Variants in CACNA2D3 observed in about 807,000 individuals in gnomAD.
CACNA2D3 encodes voltage-dependent calcium channel subunit alpha-2/delta-3.
A neutral mutation model predicts 160.6 loss-of-function variants in CACNA2D3; 60 were observed. The ratio of observed to expected loss-of-function variants is 0.37; its 90% CI spans 0.30 to 0.46. The LOEUF is 0.46. Ranked by LOEUF, CACNA2D3 falls within the 20% of genes least tolerant of loss-of-function variation. CACNA2D3 has a pLI of 1.00. For missense variants in CACNA2D3, 1,205 were observed against 1,365.0 expected (o/e 0.88, Z 1.85); for synonymous variants, 558 against 492.9 (o/e 1.13, Z -1.75).
At chr3:54,658,653 G>T (rs566222958) in intron 11 of CACNA2D3, among the ~76,000 whole-genome samples, 1 of 152,240 alleles carries the variant, frequency 6.6e-6, no homozygotes, top group African/African-American at 2.4e-5. Flanking sequence ...ATAGATAAAT[G>T]GGACTACACC....
At chr3:54,630,137 C>G (rs536743113) in intron 10 of CACNA2D3, among the ~76,000 whole-genome samples, 13 of 152,246 alleles carry the variant, frequency 8.5e-5, no homozygotes, top group East Asian at 7.8e-4. Context: ...CTGGTGGTCC[C>G]TTTCTCGTGG....
At chr3:54,934,648 G>T (rs1039272580) in intron 27 of CACNA2D3, among the ~76,000 whole-genome samples, 12 of 152,282 alleles carry the variant, frequency 7.9e-5, no homozygotes, top group Non-Finnish European at 1.2e-4. Flanking sequence ...CTAAGACTTA[G>T]CCAGGTTCTG....
chr3:54,276,237 A>C (rs1702736208), intron 2 of CACNA2D3, among the ~76,000 whole-genome samples: 2 of 152,114 alleles, frequency 1.3e-5, no homozygotes, highest in South Asian at 4.2e-4. Context: ...GGAAAGATGA[A>C]GATGGGATGA....
intron 2 of CACNA2D3, among the ~76,000 whole-genome samples, chr3:54,217,728 A>G (rs750366380): frequency 6.6e-6 from 1 of 152,186 alleles, no homozygotes; most frequent in Non-Finnish European, 1.5e-5. Context: ...TGGAAGGAAC[A>G]TGGCCCTGCT....
chr3:54,766,744 T>C (rs528758009), intron 13 of CACNA2D3, among the ~76,000 whole-genome samples: 1 of 151,370 alleles, frequency 6.6e-6, no homozygotes, highest in East Asian at 1.9e-4. Context: ...CCTAATGGAG[T>C]CAATATTAAA....
At chr3:54,885,948 A>G (rs1389776866) in intron 23 of CACNA2D3, among the ~76,000 whole-genome samples, 1 of 152,184 alleles carries the variant, frequency 6.6e-6, no homozygotes, top group African/African-American at 2.4e-5. Flanking sequence ...ATTGTGCCTC[A>G]TTCAAGGCTA....
chr3:54,808,655 T>A (rs111670064), intron 13 of CACNA2D3, among the ~76,000 whole-genome samples: 1,642 of 152,032 alleles, frequency 0.011, 18 homozygotes, highest in Middle Eastern at 0.027. Context: ...AGGAAAGGGG[T>A]TAGATAATGA....
At chr3:54,570,157 G>T in intron 8 of CACNA2D3, 53 bp downstream of exon 8, 1 of 1,571,236 alleles carries the variant, frequency 6.4e-7, no homozygotes, top group South Asian at 1.1e-5. Context: ...TGATCTTTTG[G>T]TAGTGACTGG....
intron 11 of CACNA2D3, among the ~76,000 whole-genome samples, chr3:54,742,460 C>A (rs548428335): frequency 6.6e-6 from 1 of 152,174 alleles, no homozygotes; most frequent in East Asian, 1.9e-4. Context: ...AAGTAACTTA[C>A]CCCAAGGCCT....
chr3:54,663,696 C>A (rs999157891), intron 11 of CACNA2D3, among the ~76,000 whole-genome samples: 1 of 152,210 alleles, frequency 6.6e-6, no homozygotes, highest in Non-Finnish European at 1.5e-5. Context: ...CTAACTCATA[C>A]CAGCTGACAC....
chr3:54,316,415 A>G (rs1381938220), intron 2 of CACNA2D3, among the ~76,000 whole-genome samples: 1 of 152,184 alleles, frequency 6.6e-6, no homozygotes, highest in Non-Finnish European at 1.5e-5. Context: ...AGAGTAAGGC[A>G]TTATATTTTT....
chr3:54,601,418 A>G (rs983110345), intron 9 of CACNA2D3, among the ~76,000 whole-genome samples: 3 of 152,034 alleles, frequency 2.0e-5, no homozygotes, highest in African/African-American at 7.2e-5. Context: ...GTGTTGCCCA[A>G]GCTGGTCTGT....
At chr3:54,768,376 T>G (rs17054356) in intron 13 of CACNA2D3, among the ~76,000 whole-genome samples, 6,883 of 152,220 alleles carry the variant, frequency 0.045, 450 homozygotes, top group African/African-American at 0.15. Context: ...ACGGCAGATA[T>G]AAGTTCATGA....
chr3:54,420,818 T>G (rs1261555458), intron 4 of CACNA2D3, among the ~76,000 whole-genome samples: 1 of 152,184 alleles, frequency 6.6e-6, no homozygotes, highest in Non-Finnish European at 1.5e-5. Context: ...TGTTGTTTGT[T>G]TTTTCTGTGA....
At chr3:55,062,776 C>T (rs939463502) in intron 35 of CACNA2D3, among the ~76,000 whole-genome samples, 6 of 152,174 alleles carry the variant, frequency 3.9e-5, no homozygotes, top group Admixed American at 1.3e-4. Context: ...CTGACATTTA[C>T]GGAAGTCTCT....
intron 13 of CACNA2D3, among the ~76,000 whole-genome samples, chr3:54,802,898 T>G (rs1260544792): frequency 6.6e-6 from 1 of 152,184 alleles, no homozygotes; most frequent in Non-Finnish European, 1.5e-5. Flanking sequence ...CATTCGCGAT[T>G]CACGAAAGTC....
intron 9 of CACNA2D3, among the ~76,000 whole-genome samples, chr3:54,613,885 C>T (rs1322634301): frequency 6.6e-6 from 1 of 152,174 alleles, no homozygotes; most frequent in Non-Finnish European, 1.5e-5. Context: ...CCTTTACCTC[C>T]AGGCCCTCCT....
intron 13 of CACNA2D3, among the ~76,000 whole-genome samples, chr3:54,796,313 G>A (rs1702865098): frequency 6.6e-6 from 1 of 152,100 alleles, no homozygotes; most frequent in African/African-American, 2.4e-5. Flanking sequence ...GAACCCTAGA[G>A]TTCTCAGGGG....
At position 54,574,253 on chromosome 3, in the gene CACNA2D3, A is replaced by G. The variant is rs562346681; in HGVS notation, c.888+4149A>G. On this transcript the variant is annotated intron_variant, in intron 8 of 37. Transcript: ENST00000474759. ...TGTACTGTAGGTTTTTGTTTGTGCA[A>G]ATCTAATTCATCATTGCCTCTTGAT... Among the ~76,000 whole-genome samples the G allele has an allele frequency of 7.9e-5, 12 of 152,224 alleles. 1 individual carries two copies. The South Asian group carries it at 1.9e-3, about 24-fold the overall frequency.
Sources: gnomAD v4.1 joint callset for allele counts (sites outside exome capture counted in the v4.1 genomes callset) on GRCh38, gnomAD v4.1.1 for gene constraint, MANE v1.5 for transcripts, NCBI Gene and HGNC (gene_info 2026-07-23, HGNC 2026-07-21) for gene names.